Variants in ZNF727 observed in about 807,000 individuals in gnomAD.
ZNF727 encodes the protein putative zinc finger protein 727.
In ZNF727, 11 loss-of-function variants were observed where a neutral mutation model predicts 11.5. That is an observed-to-expected ratio of 0.95 (90% CI 0.60 to 1.58). The LOEUF (loss-of-function observed/expected upper bound fraction) is 1.58. Among genes scored for constraint, ZNF727 ranks in the 40% most tolerant of loss-of-function variants. ZNF727 has a pLI of 0.00. For synonymous variants in ZNF727, 171 were observed against 196.1 expected, an observed-to-expected ratio of 0.87 and a Z score of 1.07; for missense variants, 533 against 581.7, an observed-to-expected ratio of 0.92 and a Z score of 0.86.
At chr7:64,074,588 CAT>C (rs1790013154) in intron 3 of ZNF727, among the ~76,000 whole-genome samples, 1 of 152,144 alleles carries the variant, frequency 6.6e-6, no homozygotes, top group African/African-American at 2.4e-5. Flanking sequence ...GGACAGATGT[CAT>C]ATGTTTTCTG....
chr7:64,063,207 T>C (rs140694013), intron 1 of ZNF727, among the ~76,000 whole-genome samples: 214 of 152,196 alleles, frequency 1.4e-3, no homozygotes, highest in African/African-American at 4.6e-3. Context: ...ATGAGTTAGG[T>C]ATTTATTTTA....
At chr7:64,066,935 G>C (rs1562794795) in intron 1 of ZNF727, among the ~76,000 whole-genome samples, 1 of 151,778 alleles carries the variant, frequency 6.6e-6, no homozygotes, top group East Asian at 1.9e-4. Flanking sequence ...GAATCTATAA[G>C]AAACAAACAA....
intron 3 of ZNF727, among the ~76,000 whole-genome samples, chr7:64,074,681 C>G (rs1281773445): frequency 6.6e-6 from 1 of 152,062 alleles, no homozygotes; most frequent in Non-Finnish European, 1.5e-5. Flanking sequence ...TGATTAAGTA[C>G]AAGAAAATCT....
chr7:64,068,127 G>A (rs1325494616), intron 1 of ZNF727, among the ~76,000 whole-genome samples: 1 of 151,806 alleles, frequency 6.6e-6, no homozygotes, highest in Non-Finnish European at 1.5e-5. Flanking sequence ...TAATATAGTT[G>A]ATCTTCATTT....
rs892973050 is a variant in ZNF727 at position 64,081,938 on chromosome 7, C to T, written c.*3389C>T. Reference sequence around the variant, plus strand: ...TTGCTGCATCTCAGAGACGTGTAGGCCAGCAATCACTCAGTGCAGTCCGAC... The same window carrying T: ...TTGCTGCATCTCAGAGACGTGTAGGTCAGCAATCACTCAGTGCAGTCCGAC... On this transcript the variant is annotated 3_prime_UTR_variant, in exon 4 of 4. Coordinates refer to ENST00000456806, the MANE Select transcript of ZNF727 (RefSeq NM_001159522.3). Among the ~76,000 whole-genome samples the T allele has an allele frequency of 6.6e-6, 1 of 151,902 alleles. No individual in the cohort carries two copies. Among genetic ancestry groups the T allele is most frequent in the African/African-American group, 2.4e-5 (1 of 41,352 alleles).
intron 1 of ZNF727, among the ~76,000 whole-genome samples, chr7:64,047,405 A>G (rs1789525334): frequency 6.6e-6 from 1 of 152,246 alleles, no homozygotes; most frequent in African/African-American, 2.4e-5. Context: ...ACAGGAAAGC[A>G]GAGAGTAATC....
chr7:64,066,498 C>T (rs1215635926), intron 1 of ZNF727, among the ~76,000 whole-genome samples: 1 of 152,030 alleles, frequency 6.6e-6, no homozygotes, highest in Non-Finnish European at 1.5e-5. Flanking sequence ...AATAATACCG[C>T]ATATCTGCAG....
In ZNF727 at chr7:64,078,241, T is replaced by C; in HGVS notation, c.1192T>C (p.Cys398Arg). The change falls in exon 4 of 4, where the codon TGT (cysteine) becomes CGT (arginine). Residue 398 changes from cysteine (C) to arginine (R), a missense_variant. Physicochemically the swap from Cys to Arg is radical, Grantham distance 180. Coordinates refer to ENST00000456806, the MANE Select transcript of ZNF727 (RefSeq NM_001159522.3). ...RIHTGEKPYK[C>R]EECGKSFTCS... ...TCACACTGGAGAGAAACCCTACAAA[T>C]GTGAAGAATGTGGCAAAAGCTTTAC... 6.2e-7 allele frequency: 1 copy of C among 1,606,224 alleles called. No individual in the cohort carries two copies. The highest frequency in any genetic ancestry group is 8.5e-7 in the Non-Finnish European group (1 of 1,175,994).
At chr7:64,048,106 G>A (rs1429937573) in intron 1 of ZNF727, among the ~76,000 whole-genome samples, 33 of 152,026 alleles carry the variant, frequency 2.2e-4, no homozygotes, top group African/African-American at 7.5e-4. Flanking sequence ...CGTGTTTGTT[G>A]CCTTGAATAT....
intron 1 of ZNF727, 39 bp downstream of exon 1, chr7:64,045,663 G>A: frequency 1.3e-6 from 2 of 1,556,694 alleles, no homozygotes; most frequent in African/African-American, 1.4e-5. Context: ...AGGGGGAAGA[G>A]GCTGTTTGAA....
intron 1 of ZNF727, among the ~76,000 whole-genome samples, chr7:64,063,684 C>T (rs774500669): frequency 6.6e-6 from 1 of 152,202 alleles, no homozygotes; most frequent in East Asian, 1.9e-4. Flanking sequence ...GTGGATCAAG[C>T]CAGGCTCATA....
intron 3 of ZNF727, among the ~76,000 whole-genome samples, chr7:64,074,814 C>T (rs118000937): frequency 0.012 from 1,792 of 152,194 alleles, 21 homozygotes; most frequent in Admixed American, 0.02. Context: ...GCTCACAGAA[C>T]GCATGAAAAC....
Position 64,078,548 on chromosome 7 carries a change from A to T in ZNF727, c.1499A>T (p.Ter500LeuextTer79). Residue 500 changes from the stop codon to leucine, a stop_lost, in exon 4 of 4, where the codon TAA (stop) becomes TTA (leucine). Transcript: ENST00000456806. Reference sequence around the variant, plus strand: ...TCTCAGACCTTACTAAACATAAGGTAATTCATACTGGAGATAAACCTTACA... The same window carrying T: ...TCTCAGACCTTACTAAACATAAGGTTATTCATACTGGAGATAAACCTTACA... Reference protein sequence around the residue: ...GGSQTLLNIR* With the variant: ...GGSQTLLNIRL 1 of 1,556,420 alleles carries T rather than the reference A, an allele frequency of 6.4e-7. No homozygotes were observed. The highest frequency in any genetic ancestry group is 8.7e-7 in the Non-Finnish European group (1 of 1,150,212).
intron 1 of ZNF727, among the ~76,000 whole-genome samples, chr7:64,055,202 A>G (rs1353762909): frequency 6.6e-6 from 1 of 152,114 alleles, no homozygotes; most frequent in Non-Finnish European, 1.5e-5. Context: ...GCGGATCACA[A>G]GGTCAGGAGT....
chr7:64,050,436 C>G (rs560848038), intron 1 of ZNF727, among the ~76,000 whole-genome samples: 8 of 152,248 alleles, frequency 5.3e-5, no homozygotes, highest in South Asian at 2.1e-4. Flanking sequence ...GAAGGAGAAG[C>G]CTGTGGCGCT....
chr7:64,077,931 G>A lies in ZNF727; in HGVS notation c.882G>A (p.Arg294=). 1 of 1,584,812 alleles carries A rather than the reference G, an allele frequency of 6.3e-7. No homozygotes were observed. Among genetic ancestry groups the A allele is most frequent in the South Asian group, 1.1e-5 (1 of 87,680 alleles). The change falls in exon 4 of 4, where the codon AGG becomes AGA. Residue 294 remains arginine, a synonymous_variant. Coordinates refer to ENST00000456806, the MANE Select transcript of ZNF727 (RefSeq NM_001159522.3). ...GTAAAGAATGTCACAAAGCCTTTAGGTGTTGCTCAGACCTTACTAAACATA... is the reference window on the plus strand; with the variant it reads ...GTAAAGAATGTCACAAAGCCTTTAGATGTTGCTCAGACCTTACTAAACATA... ...YKCKECHKAF[R]CCSDLTKHKR... is the part of the protein sequence containing the mutation.
intron 3 of ZNF727, among the ~76,000 whole-genome samples, chr7:64,076,947 A>G (rs13230517): frequency 0.65 from 98,544 of 151,930 alleles, 32,369 homozygotes; most frequent in Admixed American, 0.73. Flanking sequence ...TGGAGGGGGA[A>G]GACAGGAATT....
rs1309295460 is a variant in ZNF727, at chr7:64,082,355, G to A, written c.*3806G>A. On this transcript the variant is annotated 3_prime_UTR_variant, in exon 4 of 4. Transcript: ENST00000456806. Reference sequence around the variant, plus strand: ...CTGAAGGGCTGCTGCAGTATGCTGGGTGTCCACTGCAGTTTCTAGTCACCT... The same window carrying A: ...CTGAAGGGCTGCTGCAGTATGCTGGATGTCCACTGCAGTTTCTAGTCACCT... Among the ~76,000 whole-genome samples, 2 of 152,180 alleles carry A rather than the reference G, an allele frequency of 1.3e-5. No homozygotes were observed. The highest frequency in any genetic ancestry group is 2.9e-5 in the Non-Finnish European group (2 of 68,046).
At position 64,077,786 on chromosome 7, in the gene ZNF727, A is replaced by G; in HGVS notation, c.737A>G (p.His246Arg). The G allele has an allele frequency of 6.4e-7, 1 of 1,573,168 alleles. No individual in the cohort carries two copies. The highest frequency in any genetic ancestry group is 1.4e-5 in the African/African-American group (1 of 73,700). Residue 246 changes from histidine (H) to arginine (R), a missense_variant, in exon 4 of 4, where the codon CAC becomes CGC. Around this residue, in one of 3 missense-constraint regions of ZNF727, gnomAD observed 463 missense variants for 494.5 expected, o/e 0.94. Coordinates refer to ENST00000456806, the MANE Select transcript of ZNF727 (RefSeq NM_001159522.3). The stretch of plus-strand genomic sequence containing the variant: ...ACCTGTTCCTCAGCCCTTACTAAAC[A>G]CAAGAGAAATCATACTGGAGACAGA... ...TFTCSSALTK[H>R]KRNHTGDRPY...
Sources: gnomAD v4.1 joint callset for allele counts (sites outside exome capture counted in the v4.1 genomes callset) on GRCh38, gnomAD v4.1.1 for gene constraint, gnomAD v4.1.1 regional missense constraint, MANE v1.5 for transcripts, NCBI Gene and HGNC (gene_info 2026-07-23, HGNC 2026-07-21) for gene names.